Variants in NXN observed in about 807,000 individuals in gnomAD.
NXN encodes nucleoredoxin 1.
Under a neutral mutation model 48.6 loss-of-function variants are expected in NXN, and 16 were observed. The ratio of observed to expected loss-of-function variants is 0.33; its 90% CI spans 0.22 to 0.50. The LOEUF is 0.50. Ranked by LOEUF, NXN falls within the 20% of genes least tolerant of loss-of-function variation. NXN has a pLI of 0.98. For synonymous variants in NXN, 281 were observed against 269.6 expected (o/e 1.04, Z -0.41); for missense variants, 492 against 605.5 (o/e 0.81, Z 1.97).
rs373547188 is a variant in NXN at position 815,507 on chromosome 17, C to T, written c.820+3932G>A. ...CTGACTTCCATCCGTATGATGAGGGCGAGTGTCCACTCTAGATCCCTAAGC... is the reference window on the plus strand; with the variant it reads ...CTGACTTCCATCCGTATGATGAGGGTGAGTGTCCACTCTAGATCCCTAAGC... On this transcript the variant is annotated intron_variant, in intron 5 of 7. Transcript: ENST00000336868. Among the ~76,000 whole-genome samples the T allele has an allele frequency of 1.9e-4, 27 of 138,636 alleles. No individual in the cohort carries two copies. In the East Asian group the frequency reaches 3.7e-3, roughly 19 times the overall value. 91.0% of individuals were successfully genotyped at this position (138,636 alleles called of 152,430 possible). A position where few individuals can be genotyped will look rare whatever the true frequency, so the allele number is the denominator to read the frequency against.
At chr17:943,219 C>T (rs2068999969) in intron 1 of NXN, among the ~76,000 whole-genome samples, 1 of 152,324 alleles carries the variant, frequency 6.6e-6, no homozygotes, top group South Asian at 2.1e-4. Flanking sequence ...TGTTTGTGAA[C>T]TTTAAATCTG....
rs1307716206 is a variant in NXN, at chr17:917,687, C to A, written c.360+61632G>T. Reference sequence around the variant, plus strand: ...TAGGCCACCCGCTGCAGGCGAGCTTCCCTACCCAATCCGACCTCCTAGACG... The same window carrying A: ...TAGGCCACCCGCTGCAGGCGAGCTTACCTACCCAATCCGACCTCCTAGACG... On this transcript the variant is annotated intron_variant, in intron 1 of 7. Transcript: ENST00000336868. The surrounding 1 kb of genome is among the most constrained non-coding windows in gnomAD (Gnocchi z 4.5). Among the ~76,000 whole-genome samples, 3 of 152,248 alleles carry A rather than the reference C, an allele frequency of 2.0e-5. No homozygotes were observed. The highest frequency in any genetic ancestry group is 4.4e-5 in the Non-Finnish European group (3 of 68,044).
At chr17:882,740 T>C (rs985969718) in intron 1 of NXN, among the ~76,000 whole-genome samples, 2 of 151,548 alleles carry the variant, frequency 1.3e-5, no homozygotes, top group South Asian at 2.1e-4. Context: ...GCTGGGATTA[T>C]AGGCGTTAGC....
chr17:804,644 G>A (rs1184190560), intron 6 of NXN, among the ~76,000 whole-genome samples: 2 of 152,188 alleles, frequency 1.3e-5, no homozygotes, highest in African/African-American at 4.8e-5. Context: ...GTGCAAGCGA[G>A]GACAAAGGAG....
intron 1 of NXN, among the ~76,000 whole-genome samples, chr17:953,212 T>C (rs1033010973): frequency 2.0e-5 from 3 of 151,972 alleles, no homozygotes; most frequent in Admixed American, 1.3e-4. Flanking sequence ...GTCAGGAGTT[T>C]GAGACCAGCC....
At chr17:811,615 G>A (rs1478516819) in intron 5 of NXN, among the ~76,000 whole-genome samples, 2 of 152,146 alleles carry the variant, frequency 1.3e-5, no homozygotes, top group African/African-American at 4.8e-5. Flanking sequence ...GTGGAGATGG[G>A]TCACACAGCC....
Position 800,806 on chromosome 17 carries a change from C to T in NXN, c.*143G>A. 2.1e-6 allele frequency: 1 copy of T among 475,646 alleles called. No homozygotes were observed. 29.5% of individuals were successfully genotyped at this position (475,646 alleles called of 1,614,324 possible). A position where few individuals can be genotyped will look rare whatever the true frequency, so the allele number is the denominator to read the frequency against. ...CCCAGGGTGCTGGCTGAGGAGTTTA[C>T]TGCAGAAACAAGGCACCACAGAGAG... On this transcript the variant is annotated 3_prime_UTR_variant, in exon 8 of 8. Transcript: ENST00000336868.
chr17:843,010 A>AAGAGAGAAAGAAAGAG (rs1224931131), intron 1 of NXN, among the ~76,000 whole-genome samples: 1 of 85,072 alleles, frequency 1.2e-5, no homozygotes, highest in Non-Finnish European at 2.6e-5. Context: ...GAAAGAGAGA[A>AAGAGAGAAAGAAAGAG]AGAAAGAAAG....
chr17:964,890 G>A (rs1207132705), intron 1 of NXN, among the ~76,000 whole-genome samples: 1 of 152,188 alleles, frequency 6.6e-6, no homozygotes, highest in African/African-American at 2.4e-5. Flanking sequence ...AGCGGGCTTC[G>A]CATCCTGTGT....
At chr17:970,822 T>C (rs1463200914) in intron 1 of NXN, among the ~76,000 whole-genome samples, 3 of 152,184 alleles carry the variant, frequency 2.0e-5, no homozygotes, top group East Asian at 3.8e-4. Context: ...GAATATCTAC[T>C]GATTACTAGT....
chr17:842,529 G>A (rs757718854), intron 1 of NXN: 14 of 985,298 alleles, frequency 1.4e-5, no homozygotes, highest in African/African-American at 3.5e-5. Context: ...ACCCACCTTC[G>A]AAGACGCCAA....
intron 1 of NXN, among the ~76,000 whole-genome samples, chr17:840,276 T>C (rs1597650870): frequency 6.6e-6 from 1 of 152,128 alleles, no homozygotes; most frequent in East Asian, 1.9e-4. Context: ...TACCTCCAGA[T>C]AGAAGGACCA....
At chr17:959,793 T>A (rs1349356195) in intron 1 of NXN, among the ~76,000 whole-genome samples, 7 of 136,236 alleles carry the variant, frequency 5.1e-5, no homozygotes, top group Non-Finnish European at 4.7e-5. Flanking sequence ...AGACTCTGTA[T>A]AAAAAAAAAA....
In NXN at chr17:969,472, G is replaced by A. The variant is rs79595964; in HGVS notation, c.360+9847C>T. ...GGTAAAAACAATTTTTACAATTGCA[G>A]TCAAGAACATGCCCAGAGCTGGAAA... On this transcript the variant is annotated intron_variant, in intron 1 of 7. Transcript: ENST00000336868. Among the ~76,000 whole-genome samples the A allele has an allele frequency of 6.4e-3, 968 of 152,304 alleles. 9 individuals are homozygous for A. Among genetic ancestry groups the A allele is most frequent in the African/African-American group, 0.021 (889 of 41,566 alleles).
intron 5 of NXN, among the ~76,000 whole-genome samples, chr17:809,960 AGTGGCGTGTACGTTACGAGT>A (rs1567810460): frequency 8.5e-5 from 9 of 105,438 alleles, no homozygotes; most frequent in South Asian, 3.2e-4. Context: ...AGTCTGTGTG[AGTGGCGTGTACGTTACGAGT>A]CTGTGAGTGG....
intron 1 of NXN, among the ~76,000 whole-genome samples, chr17:889,231 A>C (rs1005092430): frequency 6.6e-6 from 1 of 152,042 alleles, no homozygotes; most frequent in Non-Finnish European, 1.5e-5. Context: ...TTGCCTTCTC[A>C]GGAGGATTAA....
chr17:863,601 C>T (rs1772888354), intron 1 of NXN, among the ~76,000 whole-genome samples: 1 of 152,174 alleles, frequency 6.6e-6, no homozygotes, highest in Admixed American at 6.5e-5. Flanking sequence ...GCTGGGACCA[C>T]AGGAGCATGC....
At chr17:808,676 GTTTT>G (rs5818768) in intron 5 of NXN, among the ~76,000 whole-genome samples, 10 of 128,986 alleles carry the variant, frequency 7.8e-5, no homozygotes, top group Non-Finnish European at 1.4e-4. Flanking sequence ...TTATAAACCA[GTTTT>G]TTTTTTTTTT....
At position 813,386 on chromosome 17, in the gene NXN, C is replaced by T. The variant is rs1300379666; in HGVS notation, c.820+6053G>A. Among the ~76,000 whole-genome samples the T allele has an allele frequency of 3.3e-5, 5 of 152,330 alleles. No individual in the cohort carries two copies. The East Asian group carries it at 7.7e-4, about 24-fold the overall frequency. On this transcript the variant is annotated intron_variant, in intron 5 of 7. Coordinates refer to ENST00000336868, the MANE Select transcript of NXN (RefSeq NM_022463.5). The stretch of plus-strand genomic sequence containing the variant: ...AGTGAGACGGGCTCTGAAGGAGAAA[C>T]GGCCCCCGGCTTGGAGGACAAGGAC...
Sources: allele counts gnomAD v4.1 joint callset (sites outside exome capture counted in the v4.1 genomes callset), GRCh38; gene constraint gnomAD v4.1.1; non-coding constraint Gnocchi (gnomAD v3.1); transcripts MANE v1.5; gene names NCBI Gene and HGNC (gene_info 2026-07-23, HGNC 2026-07-21).